Variants in DPP4 observed in about 807,000 individuals in gnomAD.
DPP4 encodes the protein ADCP-2.
A neutral mutation model predicts 122.4 loss-of-function variants in DPP4; 93 were observed. The observed-to-expected ratio is 0.76, with a 90% CI of 0.64 to 0.90. The LOEUF is 0.90. Among genes scored for constraint, DPP4 ranks in the 40% least tolerant of loss-of-function variants. The pLI is 0.00. For synonymous variants in DPP4, 321 were observed against 302.9 expected (o/e 1.06, Z -0.62); for missense variants, 914 against 907.3 (o/e 1.01, Z -0.09).
chr2:162,054,012 C>T (rs1661162580), intron 2 of DPP4, among the ~76,000 whole-genome samples: 1 of 152,192 alleles, frequency 6.6e-6, no homozygotes, highest in South Asian at 2.1e-4. Flanking sequence ...TGGGCCGTGC[C>T]CAGCAAAGCC....
intron 16 of DPP4, among the ~76,000 whole-genome samples, chr2:162,017,903 C>T (rs1041267662): frequency 2.0e-5 from 3 of 152,072 alleles, no homozygotes; most frequent in Non-Finnish European, 2.9e-5. Context: ...CAGAACTGTG[C>T]TTTGATTTCC....
chr2:162,023,613 C>A (rs533655925), intron 11 of DPP4, among the ~76,000 whole-genome samples: 1 of 152,324 alleles, frequency 6.6e-6, no homozygotes, highest in East Asian at 1.9e-4. Flanking sequence ...TATAGCTCTC[C>A]CACATCATCT....
intron 2 of DPP4, among the ~76,000 whole-genome samples, chr2:162,049,046 C>T (rs1684289476): frequency 6.6e-6 from 1 of 152,142 alleles, no homozygotes; most frequent in African/African-American, 2.4e-5. Context: ...AGTATTTTTT[C>T]TCAAATCCTC....
At chr2:162,011,281 G>A (rs2909450) in intron 20 of DPP4, among the ~76,000 whole-genome samples, 29,275 of 151,974 alleles carry the variant, frequency 0.19, 2,933 homozygotes, top group Middle Eastern at 0.24. Context: ...ACATAGTACC[G>A]ATGATGGTTG....
In DPP4 at chr2:162,074,095, G is replaced by C. The variant is rs201140501; in HGVS notation, c.-114C>G. The stretch of plus-strand genomic sequence containing the variant: ...GCTCCGGGCGGTGGAGTCACTCGCC[G>C]CTGGCAAGTTTCGGCCCCGAGTTAA... On this transcript the variant is annotated 5_prime_UTR_variant, in exon 1 of 26. Coordinates refer to ENST00000360534, the MANE Select transcript of DPP4 (RefSeq NM_001935.4). The C allele has an allele frequency of 2.0e-5, 29 of 1,483,442 alleles. 1 individual carries two copies. In the African/African-American group the frequency reaches 2.1e-4, roughly 11 times the overall value. The allele number at this position is 1,483,442 out of a possible 1,614,324, so 91.9% of individuals were successfully genotyped here. A position where few individuals can be genotyped will look rare whatever the true frequency, so the allele number is the denominator to read the frequency against.
Position 162,011,840 on chromosome 2 carries a change from G to A in DPP4, c.1785C>T (p.Asn595=). 3.7e-6 allele frequency: 6 copies of A among 1,613,648 alleles called. No individual in the cohort carries two copies. Among genetic ancestry groups the A allele is most frequent in the Non-Finnish European group, 5.1e-6 (6 of 1,179,712 alleles). Residue 595 remains asparagine, a synonymous_variant, in exon 20 of 26, where the codon AAC becomes AAT. Transcript: ENST00000360534. Reference sequence around the variant, plus strand: ...CAACTTCAAATGTTCCCAGTCTTCTGTTGATTGCATGCATGATCTTATCTC... The same window carrying A: ...CAACTTCAAATGTTCCCAGTCTTCTATTGATTGCATGCATGATCTTATCTC... ...YQGDKIMHAI[N]RRLGTFEVED...
At chr2:162,046,617 T>C in intron 4 of DPP4, 1 of 489,862 alleles carries the variant, frequency 2.0e-6, no homozygotes, top group Non-Finnish European at 4.0e-6. Flanking sequence ...GCAGTAATGC[T>C]GTGGGGTTGC....
intron 2 of DPP4, among the ~76,000 whole-genome samples, chr2:162,056,216 G>A (rs1576069545): frequency 6.6e-6 from 1 of 151,946 alleles, no homozygotes; most frequent in Non-Finnish European, 1.5e-5. Flanking sequence ...TTTTTATATT[G>A]TTCACTGTGT....
At chr2:162,041,627 G>C (rs1173753954) in intron 5 of DPP4, among the ~76,000 whole-genome samples, 4 of 152,012 alleles carry the variant, frequency 2.6e-5, no homozygotes, top group Admixed American at 6.6e-5. Flanking sequence ...GCTTGTTTCT[G>C]GGCAACCTCA....
intron 2 of DPP4, among the ~76,000 whole-genome samples, chr2:162,052,357 C>A (rs1045812156): frequency 6.8e-6 from 1 of 146,600 alleles, no homozygotes; most frequent in Non-Finnish European, 1.5e-5. Context: ...AGGACAGGGG[C>A]GCTGGAGGGA....
intron 10 of DPP4, among the ~76,000 whole-genome samples, chr2:162,030,826 T>C (rs1311839416): frequency 6.6e-6 from 1 of 152,184 alleles, no homozygotes; most frequent in Non-Finnish European, 1.5e-5. Flanking sequence ...AAAAACAATA[T>C]TCTTTGGTAA....
intron 2 of DPP4, among the ~76,000 whole-genome samples, chr2:162,069,975 AT>A (rs1280302188): frequency 6.6e-6 from 1 of 152,246 alleles, no homozygotes; most frequent in East Asian, 1.9e-4. Context: ...TATTTGACAA[AT>A]AACCAAATAT....
intron 22 of DPP4, among the ~76,000 whole-genome samples, chr2:162,007,641 C>G (rs1327888265): frequency 6.6e-6 from 1 of 151,990 alleles, no homozygotes; most frequent in Non-Finnish European, 1.5e-5. Context: ...ATTTTATTGA[C>G]CACTAGAGGT....
intron 18 of DPP4, 72 bp downstream of exon 18, chr2:162,016,696 A>G: frequency 1.1e-6 from 1 of 939,380 alleles, no homozygotes; most frequent in South Asian, 2.1e-5. Context: ...ACATATTTTC[A>G]GATCGAATTA....
intron 2 of DPP4, among the ~76,000 whole-genome samples, chr2:162,064,739 T>C (rs1018049096): frequency 2.6e-5 from 4 of 152,196 alleles, no homozygotes; most frequent in African/African-American, 9.7e-5. Flanking sequence ...AATTATTTTC[T>C]CCTCTTGATC....
chr2:162,006,485 A>G (rs1434213799), intron 22 of DPP4, among the ~76,000 whole-genome samples: 2 of 152,116 alleles, frequency 1.3e-5, no homozygotes, highest in African/African-American at 4.8e-5. Flanking sequence ...ATGCAAGTTT[A>G]ACATTTGTTT....
chr2:162,032,706 C>A (rs1214793246), intron 10 of DPP4, among the ~76,000 whole-genome samples: 6 of 121,956 alleles, frequency 4.9e-5, no homozygotes, highest in Admixed American at 1.6e-4. Flanking sequence ...ACAACAACAA[C>A]AACAAAAAAA....
chr2:162,015,678 C>T (rs1410686520), intron 18 of DPP4, among the ~76,000 whole-genome samples: 1 of 152,130 alleles, frequency 6.6e-6, no homozygotes, highest in East Asian at 1.9e-4. Flanking sequence ...GCTATAACCA[C>T]CTCCCCATCC....
At chr2:162,000,282 GA>G (rs563632737) in intron 23 of DPP4, among the ~76,000 whole-genome samples, 2 of 152,036 alleles carry the variant, frequency 1.3e-5, no homozygotes, top group Non-Finnish European at 2.9e-5. Context: ...AGGGGCCACA[GA>G]AAATGTTTAA....
Sources: gnomAD v4.1 joint callset for allele counts (sites outside exome capture counted in the v4.1 genomes callset) on GRCh38, gnomAD v4.1.1 for gene constraint, MANE v1.5 for transcripts, NCBI Gene and HGNC (gene_info 2026-07-23, HGNC 2026-07-21) for gene names.